Variants in UTP25 observed in about 807,000 individuals in gnomAD.
UTP25 encodes U3 small nucleolar RNA-associated protein 25 homolog.
In UTP25, 50 loss-of-function variants were observed where a neutral mutation model predicts 78.9. The observed-to-expected ratio is 0.63, with a 90% CI of 0.50 to 0.80. The LOEUF is 0.80. UTP25 is among the 30% of genes least tolerant of loss of function. UTP25 has a pLI of 0.00. For missense variants in UTP25, 846 were observed against 911.3 expected (o/e 0.93, Z 0.92); for synonymous variants, 329 against 336.5 (o/e 0.98, Z 0.24).
intron 11 of UTP25, among the ~76,000 whole-genome samples, chr1:209,844,786 G>C (rs2078187607): frequency 6.6e-6 from 1 of 152,050 alleles, no homozygotes; most frequent in South Asian, 2.1e-4. Context: ...AATAGAAAAA[G>C]CTTTTTTATT....
chr1:209,843,604 G>C lies in UTP25; in HGVS notation c.1935G>C (p.Thr645=). Residue 645 remains threonine, a synonymous_variant, in exon 11 of 12, where the codon ACG becomes ACC. Transcript: ENST00000491415. ...ELNFTHICEY[T]QKSGVSRARH... Reference sequence around the variant, plus strand: ...ATTTTACCCACATCTGCGAGTACACGCAGAAGTCTGGTGTCTCCAGGGCCA... The same window carrying C: ...ATTTTACCCACATCTGCGAGTACACCCAGAAGTCTGGTGTCTCCAGGGCCA... The C allele has an allele frequency of 6.2e-7, 1 of 1,614,104 alleles. No homozygotes were observed. The highest frequency in any genetic ancestry group is 2.2e-5 in the East Asian group (1 of 44,880).
chr1:209,830,353 C>G (rs188004378), intron 2 of UTP25, among the ~76,000 whole-genome samples: 99 of 152,082 alleles, frequency 6.5e-4, no homozygotes, highest in African/African-American at 2.2e-3. Context: ...TGAAATTGTC[C>G]CAGGAGACTA....
intron 6 of UTP25, 53 bp downstream of exon 6, chr1:209,837,264 C>T: frequency 6.5e-7 from 1 of 1,550,040 alleles, no homozygotes; most frequent in Non-Finnish European, 8.7e-7. Flanking sequence ...AAGGCACTGC[C>T]ATAGAGGTGC....
rs585627 is a variant in UTP25, at chr1:209,830,854, C to G, written c.199C>G (p.Gln67Glu). The G allele has an allele frequency of 0.72, 1,164,777 of 1,613,240 alleles. 425,755 individuals are homozygous for G. The highest frequency in any genetic ancestry group is 0.75 in the Non-Finnish European group (889,564 of 1,179,374). Residue 67 changes from glutamine to glutamate, a missense_variant, in exon 3 of 12, where the codon CAA becomes GAA. Gln to Glu is a conservative substitution (Grantham distance 29, BLOSUM62 2). Coordinates refer to ENST00000491415, the MANE Select transcript of UTP25 (RefSeq NM_014388.7). ...DSESDSESEP[Q>E]QVSGYHRLLA... ...TGAAAGCGACTCAGAGAGTGAACCA[C>G]AACAAGTTTCTGGCTACCACAGACT... is the stretch of plus-strand genomic sequence containing the variant.
Position 209,830,139 on chromosome 1 carries a change from T to G in UTP25, c.139T>G (p.Cys47Gly). The G allele has an allele frequency of 1.2e-6, 2 of 1,612,122 alleles. No individual in the cohort carries two copies. The highest frequency in any genetic ancestry group is 4.5e-5 in the East Asian group (2 of 44,810). Residue 47 changes from cysteine to glycine, a missense_variant, in exon 2 of 12, where the codon TGT becomes GGT. Physicochemically the swap from Cys to Gly is radical, Grantham distance 159. Transcript: ENST00000491415. Reference protein sequence around the residue: ...VSRKEAKPQICQLSESSDSSD... With the variant: ...VSRKEAKPQIGQLSESSDSSD... ...CAGAAAGGAAGCAAAGCCACAGATT[T>G]GTCAACTGGTAATGCTTTCTACCTT...
chr1:209,832,323 C>T (rs2078107700), intron 3 of UTP25, among the ~76,000 whole-genome samples: 1 of 151,962 alleles, frequency 6.6e-6, no homozygotes, highest in African/African-American at 2.4e-5. Flanking sequence ...TGTATAATGG[C>T]CTTATACATT....
rs779911143 is a variant in UTP25 at position 209,851,160 on chromosome 1, T to A, written c.2028-44T>A. 8 of 1,578,204 alleles carry A rather than the reference T, an allele frequency of 5.1e-6. No homozygotes were observed. In the East Asian group the frequency reaches 1.8e-4, roughly 35 times the overall value. On this transcript the variant is annotated intron_variant, in intron 11 of 11. Coordinates refer to ENST00000491415, the MANE Select transcript of UTP25 (RefSeq NM_014388.7). ...AACTCCTAGGTAGTTTTTCTAGAAC[T>A]TGTTTCTCAAGTTGACATAGCTCTT...
rs1370123132 is a variant in UTP25, at chr1:209,854,572, T to C, written c.*3125T>C. The C allele has an allele frequency of 6.6e-6, 1 of 152,368 alleles. No homozygotes were observed. Among genetic ancestry groups the C allele is most frequent in the East Asian group, 1.9e-4 (1 of 5,176 alleles). 9.4% of individuals were successfully genotyped at this position (152,368 alleles called of 1,614,324 possible). A position where few individuals can be genotyped will look rare whatever the true frequency, so the allele number is the denominator to read the frequency against. On this transcript the variant is annotated 3_prime_UTR_variant, in exon 12 of 12. Transcript: ENST00000491415. The stretch of plus-strand genomic sequence containing the variant: ...AAGGCTCTCAGCCCTGATTGTGCCC[T>C]CGTGAGGGCAAGGAGCTATGCTGCT...
chr1:209,839,188 A>G (rs2078152547), intron 7 of UTP25, 60 bp downstream of exon 7: 1 of 1,426,238 alleles, frequency 7.0e-7, no homozygotes, highest in Middle Eastern at 1.8e-4. Flanking sequence ...GCTGGAGACC[A>G]GAAGCTGGAA....
intron 8 of UTP25, among the ~76,000 whole-genome samples, chr1:209,841,552 TA>T (rs1004320784): frequency 1.3e-5 from 2 of 152,226 alleles, no homozygotes; most frequent in African/African-American, 4.8e-5. Flanking sequence ...ATTTGTACTG[TA>T]ATTTTTTTCT....
At chr1:209,829,022 C>A (rs1403193511) in intron 1 of UTP25, among the ~76,000 whole-genome samples, 1 of 152,100 alleles carries the variant, frequency 6.6e-6, no homozygotes, top group East Asian at 1.9e-4. Flanking sequence ...GATCTGCCCG[C>A]CTTGGCCTCC....
chr1:209,841,654 CT>C (rs1481228398), intron 8 of UTP25, among the ~76,000 whole-genome samples: 2 of 152,104 alleles, frequency 1.3e-5, no homozygotes, highest in African/African-American at 4.8e-5. Flanking sequence ...GTTTATTTTT[CT>C]AAGGCATATG....
intron 11 of UTP25, 161 bp downstream of exon 11, chr1:209,843,857 C>A: frequency 2.0e-6 from 2 of 979,570 alleles, no homozygotes; most frequent in African/African-American, 1.6e-5. Flanking sequence ...ACAGACTCTT[C>A]TTGGTTGGTT....
intron 11 of UTP25, among the ~76,000 whole-genome samples, chr1:209,846,835 A>T (rs978106174): frequency 6.6e-6 from 1 of 152,132 alleles, no homozygotes; most frequent in Non-Finnish European, 1.5e-5. Flanking sequence ...ACAGATTTTC[A>T]TGTGTGTGTG....
chr1:209,845,961 A>G (rs1021133980), intron 11 of UTP25, among the ~76,000 whole-genome samples: 2 of 151,140 alleles, frequency 1.3e-5, no homozygotes, highest in Admixed American at 1.3e-4. Flanking sequence ...GGTTCAAGCA[A>G]TTCTCGTGAC....
intron 6 of UTP25, chr1:209,838,707 G>A: frequency 1.6e-6 from 1 of 621,810 alleles, no homozygotes; most frequent in Non-Finnish European, 2.9e-6. Flanking sequence ...GAAGTCCGCA[G>A]GTCATGGTGC....
At chr1:209,834,610 G>C (rs2078122597) in intron 4 of UTP25, among the ~76,000 whole-genome samples, 1 of 152,202 alleles carries the variant, frequency 6.6e-6, no homozygotes, top group East Asian at 1.9e-4. Context: ...GGAACAAGGT[G>C]AGCCAACGTT....
Position 209,851,741 on chromosome 1 carries a change from T to C in UTP25, c.*294T>C, listed in dbSNP as rs1004407097. ...AATATTTTTGTGAGACATAAATTCT[T>C]TTATTACGATTTACCTCTAATTTAT... is the stretch of plus-strand genomic sequence containing the variant. On this transcript the variant is annotated 3_prime_UTR_variant, in exon 12 of 12. Coordinates refer to ENST00000491415, the MANE Select transcript of UTP25 (RefSeq NM_014388.7). The C allele has an allele frequency of 4.0e-6, 1 of 248,272 alleles. No individual in the cohort carries two copies. Among genetic ancestry groups the C allele is most frequent in the Non-Finnish European group, 7.8e-6 (1 of 129,024 alleles). The allele number at this position is 248,272 out of a possible 1,614,324, so 15.4% of individuals were successfully genotyped here.
rs1230072400 is a variant in UTP25, at chr1:209,854,165, CAAGT to C, written c.*2719_*2722del. 2 of 152,132 alleles carry C rather than the reference CAAGT, an allele frequency of 1.3e-5. No homozygotes were observed. Among genetic ancestry groups the C allele is most frequent in the Non-Finnish European group, 2.9e-5 (2 of 68,026 alleles). 9.4% of individuals were successfully genotyped at this position (152,132 alleles called of 1,614,324 possible). A position where few individuals can be genotyped will look rare whatever the true frequency, so the allele number is the denominator to read the frequency against. ...GTTAACAAGGCTCATTTGCAGCAAG[CAAGT>C]GCCTATATAGGGTCTGAAATATAGA... On this transcript the variant is annotated 3_prime_UTR_variant, in exon 12 of 12. Transcript: ENST00000491415.
Sources: gnomAD v4.1 joint callset for allele counts (sites outside exome capture counted in the v4.1 genomes callset) on GRCh38, gnomAD v4.1.1 for gene constraint, MANE v1.5 for transcripts, NCBI Gene and HGNC (gene_info 2026-07-23, HGNC 2026-07-21) for gene names.